Variants in COL13A1 observed in about 807,000 individuals in gnomAD.
COL13A1 encodes collagen type XIII alpha 1 chain, also known as collagen alpha-1(XIII) chain.
COL13A1 carries 89 observed loss-of-function variants against 130.9 expected under a neutral mutation model. The ratio of observed to expected loss-of-function variants is 0.68; its 90% CI spans 0.57 to 0.81. The LOEUF is 0.81. COL13A1 is among the 30% of genes least tolerant of loss of function. The pLI is 0.00. For missense variants in COL13A1, 879 were observed against 934.6 expected (o/e 0.94, Z 0.78); for synonymous variants, 402 against 341.6 (o/e 1.18, Z -1.95).
intron 2 of COL13A1, among the ~76,000 whole-genome samples, chr10:69,823,442 C>T (rs7077164): frequency 0.36 from 55,013 of 151,970 alleles, 10,393 homozygotes; most frequent in African/African-American, 0.46. Context: ...AGTTTTGGTC[C>T]GCTACTGGCC....
At chr10:69,942,493 C>G (rs147486580) in intron 35 of COL13A1, among the ~76,000 whole-genome samples, 2 of 152,096 alleles carry the variant, frequency 1.3e-5, no homozygotes, top group Admixed American at 6.5e-5. Context: ...TATGTTAGAC[C>G]GAGGGAAGCA....
intron 2 of COL13A1, among the ~76,000 whole-genome samples, chr10:69,867,555 G>A (rs772043613): frequency 1.3e-5 from 2 of 152,242 alleles, no homozygotes; most frequent in Non-Finnish European, 2.9e-5. Flanking sequence ...CCACCGGCAG[G>A]TCCCCAGCAG....
At chr10:69,923,920 C>T in intron 24 of COL13A1, 65 bp downstream of exon 24, 2 of 1,566,230 alleles carry the variant, frequency 1.3e-6, no homozygotes, top group Non-Finnish European at 1.7e-6. Flanking sequence ...AAGAATCATC[C>T]CGGCCGACCC....
chr10:69,887,167 C>G (rs550862858), intron 7 of COL13A1, among the ~76,000 whole-genome samples: 1 of 152,320 alleles, frequency 6.6e-6, no homozygotes, highest in Admixed American at 6.5e-5. Context: ...ACAAGCCATG[C>G]ATCCACAGCG....
intron 2 of COL13A1, among the ~76,000 whole-genome samples, chr10:69,865,302 G>A (rs1031831529): frequency 1.1e-4 from 16 of 152,220 alleles, no homozygotes; most frequent in African/African-American, 3.9e-4. Flanking sequence ...AGAGCAACTA[G>A]TGACATCAAG....
At chr10:69,873,207 C>T (rs1245319161) in intron 4 of COL13A1, among the ~76,000 whole-genome samples, 2 of 152,190 alleles carry the variant, frequency 1.3e-5, no homozygotes, top group Admixed American at 6.5e-5. Flanking sequence ...CCCTTACGTT[C>T]CTCCCTCTTA....
intron 28 of COL13A1, 113 bp downstream of exon 28, chr10:69,929,112 C>G: frequency 1.2e-6 from 1 of 833,224 alleles, no homozygotes; most frequent in East Asian, 2.7e-5. Context: ...TACCCTCCTG[C>G]TGCTCCAAGG....
intron 2 of COL13A1, among the ~76,000 whole-genome samples, chr10:69,848,363 C>T (rs1000085651): frequency 2.6e-5 from 4 of 152,338 alleles, no homozygotes; most frequent in South Asian, 2.1e-4. Flanking sequence ...AAGACCCTTA[C>T]ATATGTGTAT....
intron 1 of COL13A1, among the ~76,000 whole-genome samples, chr10:69,820,127 A>C (rs1041120258): frequency 6.6e-6 from 1 of 152,066 alleles, no homozygotes; most frequent in Non-Finnish European, 1.5e-5. Flanking sequence ...ACCTTCCATC[A>C]TTCTCTGTCC....
At chr10:69,854,328 G>A (rs538808394) in intron 2 of COL13A1, among the ~76,000 whole-genome samples, 8 of 152,334 alleles carry the variant, frequency 5.3e-5, no homozygotes, top group Admixed American at 5.2e-4. Context: ...CACTCTGGGA[G>A]ATCAAGGCTG....
intron 14 of COL13A1, among the ~76,000 whole-genome samples, chr10:69,902,081 C>A (rs1027413403): frequency 4.6e-5 from 7 of 152,184 alleles, no homozygotes; most frequent in African/African-American, 1.7e-4. Flanking sequence ...AACTCAGGCC[C>A]CACTTAACAG....
intron 13 of COL13A1, chr10:69,897,411 G>A (rs2134935683): frequency 1.3e-6 from 2 of 1,548,276 alleles, no homozygotes; most frequent in South Asian, 1.1e-5. Context: ...GCTGGTGTCT[G>A]TGGGCTCTCC....
chr10:69,893,756 C>T (rs1433459067), intron 10 of COL13A1, among the ~76,000 whole-genome samples: 1 of 152,246 alleles, frequency 6.6e-6, no homozygotes, highest in East Asian at 1.9e-4. Context: ...AGCCATGGGG[C>T]CTTGTCTCTG....
At chr10:69,846,368 C>G (rs1477237592) in intron 2 of COL13A1, among the ~76,000 whole-genome samples, 1 of 151,556 alleles carries the variant, frequency 6.6e-6, no homozygotes, top group African/African-American at 2.4e-5. Flanking sequence ...GGACATAACC[C>G]GAGCTGGGGT....
rs116765818 is a variant in COL13A1 at position 69,929,302 on chromosome 10, T to G, written c.1485+303T>G. On this transcript the variant is annotated intron_variant, in intron 28 of 40. Transcript: ENST00000645393. ...GGGAGTGAGGACCCCATCAGGGACCTCGGCATCTGAGCCCCTCCCCAATCC... is the reference window on the plus strand; with the variant it reads ...GGGAGTGAGGACCCCATCAGGGACCGCGGCATCTGAGCCCCTCCCCAATCC... Among the ~76,000 whole-genome samples the G allele has an allele frequency of 5.7e-3, 869 of 152,034 alleles. 3 individuals are homozygous for G. Among genetic ancestry groups the G allele is most frequent in the African/African-American group, 0.02 (842 of 41,468 alleles).
At chr10:69,944,245 G>C in intron 36 of COL13A1, 67 bp downstream of exon 36, 1 of 1,333,340 alleles carries the variant, frequency 7.5e-7, no homozygotes, top group Middle Eastern at 2.3e-4. Flanking sequence ...CCCAACACCA[G>C]GGGTCTCAGC....
At chr10:69,895,631 C>T (rs2061560421) in intron 13 of COL13A1, 55 bp downstream of exon 13, 2 of 1,592,540 alleles carry the variant, frequency 1.3e-6, no homozygotes, top group South Asian at 1.1e-5. Context: ...TGGGGCACAG[C>T]GCCCAGCTCA....
At chr10:69,930,208 G>GTT in intron 29 of COL13A1, 121 bp downstream of exon 29, 1 of 865,536 alleles carries the variant, frequency 1.2e-6, no homozygotes, top group Non-Finnish European at 1.7e-6. Flanking sequence ...GGGAAGGGGA[G>GTT]ATGGGGGGGG....
chr10:69,852,208 T>A (rs1855063958), intron 2 of COL13A1, among the ~76,000 whole-genome samples: 1 of 152,224 alleles, frequency 6.6e-6, no homozygotes, highest in Non-Finnish European at 1.5e-5. Flanking sequence ...TCCAGCCCCG[T>A]CTACTATATT....
Sources: gnomAD v4.1 joint callset for allele counts (sites outside exome capture counted in the v4.1 genomes callset) on GRCh38, gnomAD v4.1.1 for gene constraint, MANE v1.5 for transcripts, NCBI Gene and HGNC (gene_info 2026-07-23, HGNC 2026-07-21) for gene names.